The following CACNB2 variants were observed in gnomAD, a reference collection of about 807,000 sequenced individuals.
The protein encoded by CACNB2 is voltage-dependent L-type calcium channel subunit beta-2.
CACNB2 carries 42 observed loss-of-function variants against 73.3 expected under a neutral mutation model. The observed-to-expected ratio is 0.57, with a 90% CI of 0.45 to 0.74. The LOEUF (loss-of-function observed/expected upper bound fraction) is 0.74, where lower values mean the gene tolerates loss of function less well. Ranked by LOEUF, CACNB2 falls within the 30% of genes least tolerant of loss-of-function variation. CACNB2 has a pLI of 0.00. For missense variants in CACNB2, 940 were observed against 853.0 expected, an observed-to-expected ratio of 1.10 and a Z score of -1.27; for synonymous variants, 348 against 310.3, an observed-to-expected ratio of 1.12 and a Z score of -1.28.
intron 3 of CACNB2, among the ~76,000 whole-genome samples, chr10:18,490,961 C>T (rs1051759631): frequency 2.6e-5 from 4 of 152,188 alleles, no homozygotes; most frequent in Admixed American, 6.5e-5. Context: ...GGAATAGCTT[C>T]GCTTTCCTCA....
At chr10:18,213,570 A>C (rs2035401363) in intron 2 of CACNB2, among the ~76,000 whole-genome samples, 1 of 152,192 alleles carries the variant, frequency 6.6e-6, no homozygotes, top group Non-Finnish European at 1.5e-5. Flanking sequence ...TCTTTCCATA[A>C]TGTGAGCTAT....
At chr10:18,414,354 G>T (rs1439570284) in intron 3 of CACNB2, among the ~76,000 whole-genome samples, 1 of 152,046 alleles carries the variant, frequency 6.6e-6, no homozygotes, top group African/African-American at 2.4e-5. Flanking sequence ...ATTACACATT[G>T]CTCTCTGTTT....
At chr10:18,528,832 G>T (rs767907372) in intron 10 of CACNB2, among the ~76,000 whole-genome samples, 3 of 152,142 alleles carry the variant, frequency 2.0e-5, no homozygotes, top group Non-Finnish European at 2.9e-5. Context: ...ATGCTCACAA[G>T]AATTACTTTT....
chr10:18,285,745 A>G (rs111488263), intron 2 of CACNB2, among the ~76,000 whole-genome samples: 4 of 152,330 alleles, frequency 2.6e-5, no homozygotes, highest in African/African-American at 9.6e-5. Flanking sequence ...TTGTTATGTG[A>G]CATTTTGAAG....
At position 18,536,637 on chromosome 10, in the gene CACNB2, T is replaced by C. The variant is rs139556836; in HGVS notation, c.1302+441T>C. On this transcript the variant is annotated intron_variant, in intron 12 of 13. Transcript: ENST00000324631. The stretch of plus-strand genomic sequence containing the variant: ...AGAATCCTCATCACTTACAGTGGTA[T>C]TCATTCCAAAGTAAACTGTCCTCCC... Among the ~76,000 whole-genome samples the C allele has an allele frequency of 1.6e-3, 240 of 152,296 alleles. 1 individual carries two copies. Among genetic ancestry groups the C allele is most frequent in the African/African-American group, 5.0e-3 (208 of 41,562 alleles).
At chr10:18,447,897 T>C (rs1016632252) in intron 3 of CACNB2, among the ~76,000 whole-genome samples, 2 of 152,158 alleles carry the variant, frequency 1.3e-5, no homozygotes, top group Non-Finnish European at 2.9e-5. Context: ...CCGAGAGCTA[T>C]TTTTGTTTTC....
In CACNB2 at chr10:18,409,896, A is replaced by G. The variant is rs949322311; in HGVS notation, c.333+7853A>G. ...ATTATTTAATCCTCCTATGTTCAGT[A>G]TGTCACTCGCCTTTACTCTCAGCTA... On this transcript the variant is annotated intron_variant, in intron 3 of 13. Coordinates refer to ENST00000324631, the MANE Select transcript of CACNB2 (RefSeq NM_201596.3). Among the ~76,000 whole-genome samples the G allele has an allele frequency of 5.9e-5, 9 of 152,214 alleles. 1 individual carries two copies. The highest frequency in any genetic ancestry group is 1.3e-4 in the Admixed American group (2 of 15,272).
intron 3 of CACNB2, among the ~76,000 whole-genome samples, chr10:18,477,827 A>G (rs956861300): frequency 2.6e-5 from 4 of 152,326 alleles, no homozygotes; most frequent in Non-Finnish European, 5.9e-5. Context: ...TTAACCTTTT[A>G]GTTGTAGTTG....
intron 3 of CACNB2, among the ~76,000 whole-genome samples, chr10:18,460,507 C>A (rs1261207663): frequency 6.6e-6 from 1 of 151,794 alleles, no homozygotes; most frequent in Non-Finnish European, 1.5e-5. Flanking sequence ...TGTATACAAG[C>A]CTAGAGATTG....
At chr10:18,176,478 G>T (rs1366336769) in intron 2 of CACNB2, among the ~76,000 whole-genome samples, 1 of 152,092 alleles carries the variant, frequency 6.6e-6, no homozygotes, top group East Asian at 1.9e-4. Context: ...GAAATTAAAT[G>T]TGAACCTCCA....
rs186043081 is a variant in CACNB2 at position 18,393,286 on chromosome 10, A to G, written c.214-8638A>G. 4.9e-3 allele frequency among the ~76,000 whole-genome samples: 743 copies of G among 152,288 alleles called. 6 individuals carry two copies. Among genetic ancestry groups the G allele is most frequent in the African/African-American group, 0.017 (718 of 41,548 alleles). On this transcript the variant is annotated intron_variant, in intron 2 of 13. Coordinates refer to ENST00000324631, the MANE Select transcript of CACNB2 (RefSeq NM_201596.3). ...TTTCCCAAAACACACATACACATAC[A>G]TAATGTTCTAATTTTTTTAAATTAC...
intron 3 of CACNB2, among the ~76,000 whole-genome samples, chr10:18,405,612 T>C (rs546770932): frequency 6.6e-6 from 1 of 152,284 alleles, no homozygotes; most frequent in African/African-American, 2.4e-5. Flanking sequence ...CTGCCCTATA[T>C]ACAGGGACTC....
Position 18,539,699 on chromosome 10 carries a change from A to T in CACNB2, c.1958A>T (p.Asn653Ile). Reference protein sequence around the residue: ...SKKRNEAGEWNRDVYIRQ With the variant: ...SKKRNEAGEWIRDVYIRQ ...AAACGGAATGAGGCTGGGGAGTGGA[A>T]CAGGGATGTTTACATCCGCCAATGA... is the stretch of plus-strand genomic sequence containing the variant. The change falls in exon 14 of 14, where the codon AAC becomes ATC. Residue 653 changes from asparagine (N) to isoleucine (I), a missense_variant. Transcript: ENST00000324631. 1 of 1,612,356 alleles carries T rather than the reference A, an allele frequency of 6.2e-7. No individual in the cohort carries two copies. Among genetic ancestry groups the T allele is most frequent in the African/African-American group, 1.3e-5 (1 of 74,782 alleles).
intron 1 of CACNB2, among the ~76,000 whole-genome samples, chr10:18,141,666 TGG>T (rs2030421562): frequency 6.8e-6 from 1 of 147,872 alleles, no homozygotes; most frequent in Non-Finnish European, 1.5e-5. Flanking sequence ...AATGACAAGG[TGG>T]TTTTTACGTT....
intron 3 of CACNB2, among the ~76,000 whole-genome samples, chr10:18,492,089 C>A (rs2049469193): frequency 6.6e-6 from 1 of 152,080 alleles, no homozygotes; most frequent in South Asian, 2.1e-4. Flanking sequence ...GCAGGCATAT[C>A]ATACATGGCT....
intron 2 of CACNB2, among the ~76,000 whole-genome samples, chr10:18,395,514 G>A (rs1589232680): frequency 6.6e-6 from 1 of 152,080 alleles, no homozygotes; most frequent in Admixed American, 6.6e-5. Flanking sequence ...CTTTTTTACA[G>A]CCCTGTTTTC....
At chr10:18,464,569 C>A (rs1469551413) in intron 3 of CACNB2, among the ~76,000 whole-genome samples, 1 of 152,108 alleles carries the variant, frequency 6.6e-6, no homozygotes, top group African/African-American at 2.4e-5. Context: ...ACCTCTACCA[C>A]CCAACATGTT....
At chr10:18,538,949 G>GAATAAAT (rs2053875358) in intron 13 of CACNB2, among the ~76,000 whole-genome samples, 1 of 149,872 alleles carries the variant, frequency 6.7e-6, no homozygotes, top group South Asian at 2.1e-4. Flanking sequence ...AGCCACAGGA[G>GAATAAAT]AATAAATAAA....
In CACNB2 at chr10:18,140,953, C is replaced by T. The variant is rs563833874; in HGVS notation, c.120+97C>T. 9 of 1,523,298 alleles carry T rather than the reference C, an allele frequency of 5.9e-6. No homozygotes were observed. In the East Asian group the frequency reaches 1.5e-4, roughly 25 times the overall value. 94.4% of individuals were successfully genotyped at this position (1,523,298 alleles called of 1,614,324 possible). On this transcript the variant is annotated intron_variant, in intron 1 of 13. Transcript: ENST00000324631. Reference sequence around the variant, plus strand: ...GCGCCTCCACTGCAGGGATCTCTAGCCTCGCACCTCCTCCCCTCGTCGCCT... The same window carrying T: ...GCGCCTCCACTGCAGGGATCTCTAGTCTCGCACCTCCTCCCCTCGTCGCCT...
Sources: gnomAD v4.1 joint callset for allele counts (sites outside exome capture counted in the v4.1 genomes callset) on GRCh38, gnomAD v4.1.1 for gene constraint, MANE v1.5 for transcripts, NCBI Gene and HGNC (gene_info 2026-07-23, HGNC 2026-07-21) for gene names.